TOPAZ1: variants seen among roughly 807,000 people sequenced by gnomAD.
The protein encoded by TOPAZ1 is testis and ovary specific TOPAZ 1, also known as protein TOPAZ1.
TOPAZ1 carries 66 observed loss-of-function variants against 172.2 expected under a neutral mutation model. The observed-to-expected ratio is 0.38, with a 90% confidence interval of 0.31 to 0.47. The LOEUF is 0.47. Among genes scored for constraint, TOPAZ1 ranks in the 20% least tolerant of loss-of-function variants. The pLI, the probability that TOPAZ1 is intolerant of heterozygous loss-of-function variation, is 0.99. For missense variants in TOPAZ1, 1,822 were observed against 1,972.4 expected, an observed-to-expected ratio of 0.92 and a Z score of 1.44; for synonymous variants, 681 against 683.9, an observed-to-expected ratio of 1.00 and a Z score of 0.07.
chr3:44,244,371 C>T lies in TOPAZ1; in HGVS notation c.1865C>T (p.Thr622Ile), dbSNP rs900856644. 1.4e-5 allele frequency: 21 copies of T among 1,550,712 alleles called. No homozygotes were observed. In the Admixed American group the frequency reaches 3.3e-4, roughly 25 times the overall value. Residue 622 changes from threonine to isoleucine, a missense_variant, in exon 2 of 20, where the codon ACT becomes ATT. This residue lies in a region of TOPAZ1 where 1,489 missense variants were observed against 1,490.8 expected (regional missense o/e 1.00). Coordinates refer to ENST00000309765, the MANE Select transcript of TOPAZ1 (RefSeq NM_001145030.2). ...GAAGATACTCAATTAACCAGTGAGA[C>T]TCAAAGCTTAACGGGAAATAAAAAA... Reference protein sequence around the residue: ...TTEDTQLTSETQSLTGNKKKA... With the variant: ...TTEDTQLTSEIQSLTGNKKKA...
At chr3:44,326,778 A>T (rs1700604771) in intron 18 of TOPAZ1, among the ~76,000 whole-genome samples, 1 of 152,084 alleles carries the variant, frequency 6.6e-6, no homozygotes, top group Admixed American at 6.5e-5. Context: ...GTCAAGAGAG[A>T]GATGTTATTA....
At chr3:44,270,841 T>C (rs1699888241) in intron 8 of TOPAZ1, 31 bp downstream of exon 8, 1 of 1,521,680 alleles carries the variant, frequency 6.6e-7, no homozygotes, top group East Asian at 2.5e-5. Flanking sequence ...AAAGTAGAGA[T>C]TGTTTTAATA....
intron 13 of TOPAZ1, 83 bp from the exon 14 acceptor site, chr3:44,305,064 G>C (rs1575729424): frequency 9.8e-7 from 1 of 1,020,802 alleles, no homozygotes; most frequent in Non-Finnish European, 1.4e-6. Flanking sequence ...GCCTAAACAT[G>C]CTTTGCCCTA....
chr3:44,308,843 C>T (rs2125700966), intron 15 of TOPAZ1, among the ~76,000 whole-genome samples: 1 of 152,200 alleles, frequency 6.6e-6, no homozygotes, highest in East Asian at 1.9e-4. Flanking sequence ...GTAAACTAAA[C>T]ATATCCCTTT....
rs776091684 is a variant in TOPAZ1, at chr3:44,243,951, G to C, written c.1445G>C (p.Cys482Ser). The C allele has an allele frequency of 1.4e-5, 22 of 1,552,240 alleles. No individual in the cohort carries two copies. The African/African-American group carries it at 3.0e-4, about 21-fold the overall frequency. The change falls in exon 2 of 20, where the codon TGT becomes TCT. Residue 482 changes from cysteine (C) to serine (S), a missense_variant. This residue lies in a region of TOPAZ1 where 1,489 missense variants were observed against 1,490.8 expected (regional missense o/e 1.00). Transcript: ENST00000309765. ...GCATCTGAAGAATTGAAGTTAAGCT[G>C]TCAGAGAACAATACCTATGACTGGT... ...RSASEELKLS[C>S]QRTIPMTGKR...
At chr3:44,262,570 T>G (rs1295513822) in intron 5 of TOPAZ1, 87 bp downstream of exon 5, 1 of 673,100 alleles carries the variant, frequency 1.5e-6, no homozygotes, top group African/African-American at 1.8e-5. Context: ...CTCTGCTGTT[T>G]ATATGCTTGG....
intron 12 of TOPAZ1, among the ~76,000 whole-genome samples, chr3:44,303,479 CT>C (rs34565826): frequency 0.2 from 21,513 of 109,556 alleles, 1,668 homozygotes; most frequent in Middle Eastern, 0.26. Context: ...TGCTTGCTTG[CT>C]TTTTTTTTTT....
At chr3:44,274,838 T>TACA (rs1559533747) in intron 8 of TOPAZ1, among the ~76,000 whole-genome samples, 2 of 152,026 alleles carry the variant, frequency 1.3e-5, no homozygotes, top group African/African-American at 4.8e-5. Flanking sequence ...ACAGAGCCAT[T>TACA]GCACCCGGCC....
intron 16 of TOPAZ1, among the ~76,000 whole-genome samples, chr3:44,315,168 CAA>C (rs1700437629): frequency 6.7e-6 from 1 of 150,260 alleles, no homozygotes; most frequent in Non-Finnish European, 1.5e-5. Context: ...TTATACCTTC[CAA>C]AGAGGAAATG....
intron 18 of TOPAZ1, 39 bp from the exon 19 acceptor site, chr3:44,328,210 TG>T: frequency 7.4e-7 from 1 of 1,343,512 alleles, no homozygotes; most frequent in Non-Finnish European, 9.8e-7. Context: ...TTTTACCTAT[TG>T]GGTTTTAGTA....
At position 44,243,915 on chromosome 3, in the gene TOPAZ1, A is replaced by G. The variant is rs1006576283; in HGVS notation, c.1409A>G (p.Asp470Gly). ...YHIERRSSRE[D>G]LRSASEELKL... ...ATTGAAAGGAGATCTTCACGGGAAG[A>G]CTTAAGAAGTGCATCTGAAGAATTG... is the stretch of plus-strand genomic sequence containing the variant. The change falls in exon 2 of 20, where the codon GAC (aspartate) becomes GGC (glycine). Residue 470 changes from aspartate (D) to glycine (G), a missense_variant. This residue lies in a region of TOPAZ1 where 1,489 missense variants were observed against 1,490.8 expected (regional missense o/e 1.00). Transcript: ENST00000309765. 9.0e-6 allele frequency: 14 copies of G among 1,552,188 alleles called. No homozygotes were observed. The Middle Eastern group carries it at 6.6e-4, about 74-fold the overall frequency.
rs557212373 is a variant in TOPAZ1 at position 44,292,484 on chromosome 3, C to T, written c.3797+1598C>T. 3.9e-5 allele frequency among the ~76,000 whole-genome samples: 6 copies of T among 152,258 alleles called. No homozygotes were observed. In the South Asian group the frequency reaches 6.2e-4, roughly 16 times the overall value. ...TCACATGACTAACAGATGTTAATCT[C>T]GCACCAGATTCAGTAGCAGTTAGCA... On this transcript the variant is annotated intron_variant, in intron 12 of 19. Transcript: ENST00000309765.
At chr3:44,281,100 C>T (rs1700018591) in intron 8 of TOPAZ1, among the ~76,000 whole-genome samples, 1 of 152,196 alleles carries the variant, frequency 6.6e-6, no homozygotes, top group Non-Finnish European at 1.5e-5. Flanking sequence ...CACTGGGGGT[C>T]TCTCATTTAC....
chr3:44,259,287 G>GA (rs1699749390), intron 4 of TOPAZ1, among the ~76,000 whole-genome samples: 3 of 149,322 alleles, frequency 2.0e-5, no homozygotes, highest in Non-Finnish European at 4.5e-5. Flanking sequence ...GGCTTTTCAG[G>GA]TAGTTTAAAA....
Position 44,304,062 on chromosome 3 carries a change from C to T in TOPAZ1, c.3845C>T (p.Ser1282Leu), listed in dbSNP as rs778169873. 17 of 1,535,236 alleles carry T rather than the reference C, an allele frequency of 1.1e-5. No homozygotes were observed. The East Asian group carries it at 2.7e-4, about 24-fold the overall frequency. ...AAGAACTGGAAGTGTGATTTAGATT[C>T]AGCCTTGAATAAATTAGAGGTATGA... ...FKKNWKCDLD[S>L]ALNKLEHCKE... The change falls in exon 13 of 20, where the codon TCA becomes TTA. Residue 1282 changes from serine to leucine, a missense_variant. Transcript: ENST00000309765.
chr3:44,248,232 T>A (rs995856032), intron 2 of TOPAZ1, among the ~76,000 whole-genome samples: 2 of 152,200 alleles, frequency 1.3e-5, no homozygotes, highest in Non-Finnish European at 2.9e-5. Flanking sequence ...TATTTTTTCT[T>A]CTTGTTTTCC....
chr3:44,243,480 G>T lies in TOPAZ1; in HGVS notation c.974G>T (p.Ser325Ile), dbSNP rs1203815402. The T allele has an allele frequency of 1.3e-6, 2 of 1,551,630 alleles. No individual in the cohort carries two copies. Among genetic ancestry groups the T allele is most frequent in the Non-Finnish European group, 8.7e-7 (1 of 1,146,990 alleles). ...EKNKYSIEES[S>I]VGRKPRKRMK... ...AATAAATATTCAATAGAGGAGAGCA[G>T]TGTTGGGCGAAAACCCAGGAAAAGG... is the stretch of plus-strand genomic sequence containing the variant. The change falls in exon 2 of 20, where the codon AGT becomes ATT. Residue 325 changes from serine (S) to isoleucine (I), a missense_variant. This residue lies in a region of TOPAZ1 where 1,489 missense variants were observed against 1,490.8 expected (regional missense o/e 1.00). Transcript: ENST00000309765.
At chr3:44,315,074 C>T (rs1700436158) in intron 16 of TOPAZ1, among the ~76,000 whole-genome samples, 1 of 151,440 alleles carries the variant, frequency 6.6e-6, no homozygotes, top group African/African-American at 2.4e-5. Flanking sequence ...GTACCTGGCA[C>T]AGAGTAAATA....
intron 8 of TOPAZ1, among the ~76,000 whole-genome samples, chr3:44,279,065 T>C (rs1699995416): frequency 6.6e-6 from 1 of 152,166 alleles, no homozygotes; most frequent in African/African-American, 2.4e-5. Flanking sequence ...TGCATTTTCT[T>C]CTTAATTTCT....
Sources: allele counts gnomAD v4.1 joint callset (sites outside exome capture counted in the v4.1 genomes callset), GRCh38; gene constraint gnomAD v4.1.1; regional missense constraint gnomAD v4.1.1; transcripts MANE v1.5; gene names NCBI Gene and HGNC (gene_info 2026-07-23, HGNC 2026-07-21).